Variants in TCEANC2 observed in about 807,000 individuals in gnomAD.
TCEANC2 encodes the protein transcription elongation factor A N-terminal and central domain containing 2, also known as transcription elongation factor A N-terminal and central domain-containing protein 2.
A neutral mutation model predicts 22.8 loss-of-function variants in TCEANC2; 20 were observed. The ratio of observed to expected loss-of-function variants is 0.88; its 90% CI spans 0.62 to 1.28. The LOEUF (loss-of-function observed/expected upper bound fraction) is 1.28, where lower values mean the gene tolerates loss of function less well. TCEANC2 is among the 50% of genes most tolerant of loss of function. TCEANC2 has a pLI of 0.00. For missense variants in TCEANC2, 251 were observed against 249.7 expected, an observed-to-expected ratio of 1.01 and a Z score of -0.03; for synonymous variants, 84 against 95.5, an observed-to-expected ratio of 0.88 and a Z score of 0.70.
chr1:54,112,330 A>G (rs1300750403), exon 5 of TCEANC2: 1 of 152,066 alleles, frequency 6.6e-6, no homozygotes, highest in African/African-American at 2.4e-5. Context: ...GTGCCACTAC[A>G]CTCCAGCCTG....
At chr1:54,090,376 T>C (rs1658419786) in intron 4 of TCEANC2, among the ~76,000 whole-genome samples, 1 of 152,186 alleles carries the variant, frequency 6.6e-6, no homozygotes, top group Admixed American at 6.5e-5. Context: ...TTTAAATGAA[T>C]GTTGGGCAAG....
intron 3 of TCEANC2, among the ~76,000 whole-genome samples, chr1:54,070,976 G>A (rs1236310832): frequency 6.6e-6 from 1 of 152,210 alleles, no homozygotes; most frequent in Non-Finnish European, 1.5e-5. Context: ...TAGGGCAGAA[G>A]GTATTGAAGA....
At chr1:54,089,941 G>A (rs901576738) in intron 4 of TCEANC2, 9 of 769,862 alleles carry the variant, frequency 1.2e-5, no homozygotes, top group African/African-American at 5.2e-5. Flanking sequence ...CACCGGAAAC[G>A]TACACCTGAT....
At position 54,088,515 on chromosome 1, in the gene TCEANC2, C is replaced by T. The variant is rs1407656830; in HGVS notation, c.245-82C>T. On this transcript the variant is annotated intron_variant, in intron 3 of 4. Coordinates refer to ENST00000234827, the MANE Select transcript of TCEANC2 (RefSeq NM_153035.3). ...GGGTGTGTGAATGACTTTCTCAGTG[C>T]CACACGTCAGTCCATCTAGTCCTGC... is the stretch of plus-strand genomic sequence containing the variant. 4 of 1,154,856 alleles carry T rather than the reference C, an allele frequency of 3.5e-6. No individual in the cohort carries two copies. The African/African-American group carries it at 4.8e-5, about 14-fold the overall frequency. 71.5% of individuals were successfully genotyped at this position (1,154,856 alleles called of 1,614,324 possible). A position where few individuals can be genotyped will look rare whatever the true frequency, so the allele number is the denominator to read the frequency against.
At chr1:54,082,520 T>A (rs1015851901) in intron 3 of TCEANC2, among the ~76,000 whole-genome samples, 1 of 152,216 alleles carries the variant, frequency 6.6e-6, no homozygotes, top group Non-Finnish European at 1.5e-5. Flanking sequence ...AAGGTACAGG[T>A]TCTGCCCTCA....
chr1:54,068,664 A>G (rs1657999353), intron 2 of TCEANC2, 92 bp from the exon 3 acceptor site: 2 of 1,312,840 alleles, frequency 1.5e-6, no homozygotes, highest in Admixed American at 2.9e-5. Context: ...TCAATAATTC[A>G]TATGTCAATA....
intron 3 of TCEANC2, among the ~76,000 whole-genome samples, chr1:54,087,116 C>T (rs1474249167): frequency 6.6e-6 from 1 of 152,054 alleles, no homozygotes; most frequent in South Asian, 2.1e-4. Context: ...ATATTCAACC[C>T]ATGGAGCAGG....
chr1:54,055,426 C>T (rs1225568669), intron 2 of TCEANC2, among the ~76,000 whole-genome samples: 2 of 152,208 alleles, frequency 1.3e-5, no homozygotes, highest in Non-Finnish European at 2.9e-5. Flanking sequence ...TGTACTTAGT[C>T]CCCTTTGTCA....
intron 3 of TCEANC2, among the ~76,000 whole-genome samples, chr1:54,086,490 A>G (rs1307753396): frequency 6.6e-6 from 1 of 152,228 alleles, no homozygotes; most frequent in Non-Finnish European, 1.5e-5. Flanking sequence ...AAGAGAAGTA[A>G]GAGTATTTCA....
At chr1:54,072,597 A>G (rs529795624) in intron 3 of TCEANC2, among the ~76,000 whole-genome samples, 3 of 152,074 alleles carry the variant, frequency 2.0e-5, no homozygotes, top group South Asian at 2.1e-4. Context: ...GGGTTTCACC[A>G]TGTTGGTCAG....
intron 2 of TCEANC2, among the ~76,000 whole-genome samples, chr1:54,058,024 A>G (rs1358881373): frequency 3.3e-5 from 5 of 152,082 alleles, no homozygotes; most frequent in African/African-American, 1.2e-4. Context: ...GCTACTTACT[A>G]CCTTCGTGAC....
intron 4 of TCEANC2, among the ~76,000 whole-genome samples, chr1:54,089,507 C>G (rs984563420): frequency 2.6e-5 from 4 of 152,138 alleles, no homozygotes; most frequent in African/African-American, 7.2e-5. Flanking sequence ...TAATAATATT[C>G]ATTGTCATCA....
chr1:54,102,472 T>C lies in TCEANC2; in HGVS notation c.*5999T>C, dbSNP rs1658678694. The C allele has an allele frequency of 1.3e-5, 2 of 152,340 alleles. No individual in the cohort carries two copies. The highest frequency in any genetic ancestry group is 6.8e-3 in the Middle Eastern group (2 of 294). 9.4% of individuals were successfully genotyped at this position (152,340 alleles called of 1,614,324 possible). ...AGACCATGGATCATCAAGTTGACCA[T>C]GTGACCAAAGCTGTTCATCATGAGC... On this transcript the variant is annotated 3_prime_UTR_variant, in exon 5 of 5. Transcript: ENST00000234827.
exon 5 of TCEANC2, chr1:54,112,043 A>T (rs1658847934): frequency 6.6e-6 from 1 of 152,212 alleles, no homozygotes. Context: ...ACAAAGAAAC[A>T]GTTCTTAAAA....
At chr1:54,080,363 C>T (rs540545448) in intron 3 of TCEANC2, among the ~76,000 whole-genome samples, 2 of 152,238 alleles carry the variant, frequency 1.3e-5, no homozygotes, top group Non-Finnish European at 2.9e-5. Flanking sequence ...AGGCTGTTGT[C>T]GAACTCCTGG....
chr1:54,086,509 G>GA (rs1294364903), intron 3 of TCEANC2, among the ~76,000 whole-genome samples: 1 of 152,150 alleles, frequency 6.6e-6, no homozygotes, highest in African/African-American at 2.4e-5. Context: ...CAGGCAGACA[G>GA]AATGTTCATT....
At chr1:54,089,560 A>G (rs1048317057) in intron 4 of TCEANC2, among the ~76,000 whole-genome samples, 1 of 152,230 alleles carries the variant, frequency 6.6e-6, no homozygotes, top group Non-Finnish European at 1.5e-5. Flanking sequence ...GGAAAATAGG[A>G]CATATAATAT....
rs1422340138 is a variant in TCEANC2, at chr1:54,102,820, A to T, written c.*6347A>T. The T allele has an allele frequency of 6.6e-6, 1 of 152,386 alleles. No individual in the cohort carries two copies. Among genetic ancestry groups the T allele is most frequent in the African/African-American group, 2.4e-5 (1 of 41,482 alleles). 9.4% of individuals were successfully genotyped at this position (152,386 alleles called of 1,614,324 possible). ...AAGACCGTGGCTGCACTGCAGCCCC[A>T]CACAGGGGCATCCTTGAAAGACAGC... On this transcript the variant is annotated 3_prime_UTR_variant, in exon 5 of 5. Coordinates refer to ENST00000234827, the MANE Select transcript of TCEANC2 (RefSeq NM_153035.3).
chr1:54,098,614 C>T lies in TCEANC2; in HGVS notation c.*2141C>T, dbSNP rs1658601534. ...AATGTAAGCTTCATGAAAGCAGAGT[C>T]TCTGTTCTGTTCCCTGTTATATCTC... On this transcript the variant is annotated 3_prime_UTR_variant, in exon 5 of 5. Transcript: ENST00000234827. 1.3e-5 allele frequency: 2 copies of T among 152,210 alleles called. No individual in the cohort carries two copies. Among genetic ancestry groups the T allele is most frequent in the African/African-American group, 4.8e-5 (2 of 41,432 alleles). 9.4% of individuals were successfully genotyped at this position (152,210 alleles called of 1,614,324 possible). A position where few individuals can be genotyped will look rare whatever the true frequency, so the allele number is the denominator to read the frequency against.
Sources: allele counts gnomAD v4.1 joint callset (sites outside exome capture counted in the v4.1 genomes callset), GRCh38; gene constraint gnomAD v4.1.1; transcripts MANE v1.5; gene names NCBI Gene and HGNC (gene_info 2026-07-23, HGNC 2026-07-21).